SH3D21: variants seen among roughly 807,000 people sequenced by gnomAD.
The protein encoded by SH3D21 is SH3 domain-containing protein 21.
Under a neutral mutation model 82.1 loss-of-function variants are expected in SH3D21, and 83 were observed. The ratio of observed to expected loss-of-function variants is 1.01; its 90% CI spans 0.85 to 1.21. The LOEUF is 1.21. Ranked by LOEUF, SH3D21 falls within the 50% of genes most tolerant of loss-of-function variation. SH3D21 has a pLI of 0.00. For missense variants in SH3D21, 980 were observed against 962.1 expected (o/e 1.02, Z -0.25); for synonymous variants, 383 against 387.8 (o/e 0.99, Z 0.15).
chr1:36,306,725 C>T lies in SH3D21; in HGVS notation c.132C>T (p.Arg44=). The change falls in exon 2 of 16, where the codon CGC becomes CGT. Residue 44 remains arginine, a synonymous_variant. Transcript: ENST00000453908. This position sits in a 1 kb window ranked among gnomAD's most constrained non-coding sequence, Gnocchi z 4.5. ...GGCTTCGCGGAGAGTTTGGGGGCCG[C>T]TATGGCCTCTTCCCCGAGCGCCTGG... The part of the protein sequence containing the change: ...RGWLRGEFGG[R]YGLFPERLVQ... The T allele has an allele frequency of 7.7e-7, 1 of 1,291,106 alleles. No homozygotes were observed. The allele number at this position is 1,291,106 out of a possible 1,614,324, so 80.0% of individuals were successfully genotyped here.
chr1:36,320,986 G>A lies in SH3D21; in HGVS notation c.2199+8G>A. 1 of 1,568,172 alleles carries A rather than the reference G, an allele frequency of 6.4e-7. No individual in the cohort carries two copies. The highest frequency in any genetic ancestry group is 1.2e-5 in the South Asian group (1 of 86,086). The stretch of plus-strand genomic sequence containing the variant: ...CAGCGCCGGCGGCTGGAGGTGAGGC[G>A]CGGGTCCCGGCGGGAGGGGGCTGAC... On this transcript the variant is annotated splice_region_variant and intron_variant, in intron 15 of 15. Transcript: ENST00000453908.
chr1:36,313,743 AT>A (rs1336287384), intron 10 of SH3D21, among the ~76,000 whole-genome samples: 2 of 151,212 alleles, frequency 1.3e-5, no homozygotes, highest in African/African-American at 2.4e-5. Flanking sequence ...TTTTAAGTTT[AT>A]TGTAAAGAAA....
At chr1:36,326,521 T>C (rs775233601), downstream of SH3D21, among the ~76,000 whole-genome samples, 20 of 152,200 alleles carry the variant, frequency 1.3e-4, no homozygotes, top group Non-Finnish European at 2.1e-4. Context: ...TGAGCCACCG[T>C]GCCCGGCCAG....
Position 36,319,849 on chromosome 1 carries a change from G to C in SH3D21, c.1186G>C (p.Ala396Pro), listed in dbSNP as rs146797338. 6.2e-7 allele frequency: 1 copy of C among 1,613,678 alleles called. No homozygotes were observed. Among genetic ancestry groups the C allele is most frequent in the African/African-American group, 1.3e-5 (1 of 74,816 alleles). Residue 396 changes from alanine to proline, a missense_variant, in exon 14 of 16, where the codon GCC becomes CCC. By Grantham distance (27) the Ala-to-Pro change is conservative. Transcript: ENST00000453908. ...PEKTLTLGDK[A>P]SIPGNSTSGK... ...GAAGACCCTCACTCTAGGGGACAAGGCCTCTATCCCAGGGAACTCCACCTC... is the reference window on the plus strand; with the variant it reads ...GAAGACCCTCACTCTAGGGGACAAGCCCTCTATCCCAGGGAACTCCACCTC...
Position 36,320,190 on chromosome 1 carries a change from G to A in SH3D21, c.1527G>A (p.Glu509=), listed in dbSNP as rs531190116. ...DDIQFHHFSS[E]EALQKVKYFV... is the part of the protein sequence containing the mutation. ...TTCAATTCCATCACTTCTCTTCGGA[G>A]GAAGCCCTGCAGAAGGTCAAGTACT... Residue 509 remains glutamate, a synonymous_variant, in exon 14 of 16, where the codon GAG becomes GAA. Transcript: ENST00000453908. 4 of 1,613,482 alleles carry A rather than the reference G, an allele frequency of 2.5e-6. No homozygotes were observed. The Admixed American group carries it at 6.7e-5, about 27-fold the overall frequency.
intron 10 of SH3D21, among the ~76,000 whole-genome samples, chr1:36,312,679 G>A (rs1646263596): frequency 6.6e-6 from 1 of 152,120 alleles, no homozygotes; most frequent in South Asian, 2.1e-4. Context: ...TCATTGTCAT[G>A]TTCCTGATTT....
downstream of SH3D21, chr1:36,322,651 C>G: frequency 1.3e-6 from 2 of 1,546,588 alleles, no homozygotes; most frequent in Non-Finnish European, 1.7e-6. Context: ...ATGCTGATGA[C>G]GAGCAGGCAG....
At position 36,321,180 on chromosome 1, in the gene SH3D21, C is replaced by A; in HGVS notation, c.*53C>A. 1 of 1,584,210 alleles carries A rather than the reference C, an allele frequency of 6.3e-7. No homozygotes were observed. Among genetic ancestry groups the A allele is most frequent in the South Asian group, 1.1e-5 (1 of 87,438 alleles). ...TGACCTGGCTGGGGCCACCCACGTC[C>A]TTGCACACGACTTTGGGAAACGCGA... On this transcript the variant is annotated 3_prime_UTR_variant, in exon 16 of 16. Coordinates refer to ENST00000453908, the MANE Select transcript of SH3D21 (RefSeq NM_001162530.2). The surrounding 1 kb of genome is among the most constrained non-coding windows in gnomAD (Gnocchi z 6.1).
chr1:36,312,947 T>G (rs528875387), intron 10 of SH3D21, among the ~76,000 whole-genome samples: 1 of 152,060 alleles, frequency 6.6e-6, no homozygotes, highest in South Asian at 2.1e-4. Flanking sequence ...CTCCTGACTT[T>G]GTGGTCTGCC....
downstream of SH3D21, chr1:36,321,435 A>G (rs1280632699): frequency 8.3e-7 from 1 of 1,198,374 alleles, no homozygotes; most frequent in East Asian, 3.8e-5. The surrounding 1 kb of genome is among the most constrained non-coding windows in gnomAD (Gnocchi z 6.1). Flanking sequence ...CGCACTGGAG[A>G]AATGGCGGGC....
chr1:36,320,031 C>A lies in SH3D21; in HGVS notation c.1368C>A (p.Ser456=), dbSNP rs752593873. 1 of 1,614,106 alleles carries A rather than the reference C, an allele frequency of 6.2e-7. No homozygotes were observed. Among genetic ancestry groups the A allele is most frequent in the Non-Finnish European group, 8.5e-7 (1 of 1,180,020 alleles). The change falls in exon 14 of 16, where the codon TCC becomes TCA. Residue 456 remains serine (S), a synonymous_variant. Coordinates refer to ENST00000453908, the MANE Select transcript of SH3D21 (RefSeq NM_001162530.2). The part of the protein sequence containing the change: ...TPERVFSVEE[S]PALEAPPMDK... ...AGAGGGTCTTTTCAGTGGAAGAGTCCCCTGCCCTAGAAGCCCCACCTATGG... is the reference window on the plus strand; with the variant it reads ...AGAGGGTCTTTTCAGTGGAAGAGTCACCTGCCCTAGAAGCCCCACCTATGG...
chr1:36,319,183 T>G lies in SH3D21; in HGVS notation c.863+19T>G. 1 of 1,549,246 alleles carries G rather than the reference T, an allele frequency of 6.5e-7. No homozygotes were observed. The highest frequency in any genetic ancestry group is 8.7e-7 in the Non-Finnish European group (1 of 1,145,374). ...AAGCCAAGTAAGGAGCAGGATGGGG[T>G]TGGGGGAAGGAGGAGGGTAGGAGGC... On this transcript the variant is annotated intron_variant, in intron 11 of 15. Coordinates refer to ENST00000453908, the MANE Select transcript of SH3D21 (RefSeq NM_001162530.2).
chr1:36,322,395 C>T (rs1316690738), downstream of SH3D21: 5 of 1,598,408 alleles, frequency 3.1e-6, no homozygotes, highest in Admixed American at 3.3e-5. Context: ...CCAGATCTCC[C>T]GCAGGATCCG....
chr1:36,309,684 G>C, intron 10 of SH3D21, 94 bp downstream of exon 10: 1 of 1,409,446 alleles, frequency 7.1e-7, no homozygotes, highest in African/African-American at 1.4e-5. Context: ...CAGTGGTCCA[G>C]TATGCCCCTA....
downstream of SH3D21, among the ~76,000 whole-genome samples, chr1:36,330,052 C>T (rs1367457729): frequency 1.3e-5 from 2 of 152,094 alleles, no homozygotes; most frequent in African/African-American, 4.8e-5. Context: ...GTCAGAACAC[C>T]TGCTAACCAA....
At chr1:36,313,120 G>A (rs886704461) in intron 10 of SH3D21, among the ~76,000 whole-genome samples, 5 of 151,882 alleles carry the variant, frequency 3.3e-5, no homozygotes, top group Non-Finnish European at 5.9e-5. Flanking sequence ...GTCAAGAGAC[G>A]GAGACCATCT....
Position 36,307,133 on chromosome 1 carries a change from C to G in SH3D21, c.227-34C>G. On this transcript the variant is annotated intron_variant, in intron 3 of 15. Transcript: ENST00000453908. The surrounding 1 kb of genome is among the most constrained non-coding windows in gnomAD (Gnocchi z 5.4). The stretch of plus-strand genomic sequence containing the variant: ...CCCCAGCTCCTCTGACTGGGGCGTC[C>G]GACTGGAGCTCAGCCGCGCTTGTCC... 6.4e-7 allele frequency: 1 copy of G among 1,550,448 alleles called. No individual in the cohort carries two copies. The highest frequency in any genetic ancestry group is 8.7e-7 in the Non-Finnish European group (1 of 1,146,436).
At chr1:36,312,056 G>A (rs927943348) in intron 10 of SH3D21, among the ~76,000 whole-genome samples, 2 of 151,466 alleles carry the variant, frequency 1.3e-5, no homozygotes, top group Admixed American at 1.3e-4. Context: ...ACAGAGTCTT[G>A]CTTTGTCACT....
downstream of SH3D21, chr1:36,323,565 G>T (rs1646505952): frequency 6.6e-6 from 1 of 152,148 alleles, no homozygotes; most frequent in African/African-American, 2.4e-5. Context: ...CTCCGGCCCC[G>T]CTGGGCTCCC....
Sources: allele counts gnomAD v4.1 joint callset (sites outside exome capture counted in the v4.1 genomes callset), GRCh38; gene constraint gnomAD v4.1.1; non-coding constraint Gnocchi (gnomAD v3.1); transcripts MANE v1.5; gene names NCBI Gene and HGNC (gene_info 2026-07-23, HGNC 2026-07-21).